Variants in DNMT3B observed in about 807,000 individuals in gnomAD.
DNMT3B encodes DNA (cytosine-5)-methyltransferase 3B.
DNMT3B carries 37 observed loss-of-function variants against 120.2 expected under a neutral mutation model. That is an observed-to-expected ratio of 0.31 (90% CI 0.24 to 0.40). DNMT3B has a LOEUF of 0.40. DNMT3B is among the 10% of genes least tolerant of loss of function. DNMT3B has a pLI of 1.00. For missense variants in DNMT3B, 878 were observed against 1,137.3 expected, an observed-to-expected ratio of 0.77 and a Z score of 3.28; for synonymous variants, 412 against 442.8, an observed-to-expected ratio of 0.93 and a Z score of 0.87.
Position 32,780,468 on chromosome 20 carries a change from G to T in DNMT3B, c.142+3G>T. The T allele has an allele frequency of 6.2e-7, 1 of 1,612,034 alleles. No individual in the cohort carries two copies. The highest frequency in any genetic ancestry group is 8.5e-7 in the Non-Finnish European group (1 of 1,179,964). On this transcript the variant is annotated splice_donor_region_variant and intron_variant, in intron 2 of 22. Transcript: ENST00000328111. ...TATCCGCACCCCGGAGATCAGAGGTGGCTGGGCAGTGGGGACTGGGGTGGT... is the reference window on the plus strand; with the variant it reads ...TATCCGCACCCCGGAGATCAGAGGTTGCTGGGCAGTGGGGACTGGGGTGGT...
intron 20 of DNMT3B, among the ~76,000 whole-genome samples, chr20:32,804,048 G>GC (rs1375875296): frequency 6.6e-6 from 1 of 152,172 alleles, no homozygotes; most frequent in African/African-American, 2.4e-5. Flanking sequence ...GTGAGTGGTG[G>GC]CCCCTGGGGT....
chr20:32,779,488 G>A (rs994263332), intron 1 of DNMT3B, among the ~76,000 whole-genome samples: 1 of 152,248 alleles, frequency 6.6e-6, no homozygotes, highest in African/African-American at 2.4e-5. Flanking sequence ...CCAGCCCAGA[G>A]GTTATAGCCT....
intron 3 of DNMT3B, among the ~76,000 whole-genome samples, chr20:32,782,026 C>G (rs73112140): frequency 0.04 from 6,163 of 152,182 alleles, 161 homozygotes; most frequent in East Asian, 0.07. Context: ...TGAAAGTTCT[C>G]AAAAAGGAAA....
chr20:32,789,059 C>T, intron 7 of DNMT3B, 47 bp downstream of exon 7: 1 of 1,607,150 alleles, frequency 6.2e-7, no homozygotes. Flanking sequence ...GAGGCTGTGC[C>T]TGCCTGCCTC....
intron 22 of DNMT3B, among the ~76,000 whole-genome samples, 170 bp downstream of exon 22, chr20:32,806,497 G>C: frequency 6.6e-6 from 1 of 152,174 alleles, no homozygotes; most frequent in East Asian, 1.9e-4. Flanking sequence ...GACAAAAATG[G>C]CGGAGGGGGT....
At position 32,779,894 on chromosome 20, in the gene DNMT3B, C is replaced by T. The variant is rs1326006119; in HGVS notation, c.-6-424C>T. ...AAAGGGGTCAGGAGGGAAAATAATG[C>T]ACTGGCTTCCTGAGCCCCTGCAGAG... On this transcript the variant is annotated intron_variant, in intron 1 of 22. Coordinates refer to ENST00000328111, the MANE Select transcript of DNMT3B (RefSeq NM_006892.4). 3.4e-5 allele frequency: 21 copies of T among 617,528 alleles called. No homozygotes were observed. The Admixed American group carries it at 4.1e-4, about 12-fold the overall frequency. 38.3% of individuals were successfully genotyped at this position (617,528 alleles called of 1,614,324 possible). A position where few individuals can be genotyped will look rare whatever the true frequency, so the allele number is the denominator to read the frequency against.
intron 20 of DNMT3B, 78 bp from the exon 21 acceptor site, chr20:32,805,260 A>T: frequency 6.5e-7 from 1 of 1,549,966 alleles, no homozygotes; most frequent in Non-Finnish European, 8.9e-7. Flanking sequence ...TCTGCAACAT[A>T]GACCCTCACT....
chr20:32,765,440 TGAGACAGTTTTGC>T (rs1987269073), intron 1 of DNMT3B, among the ~76,000 whole-genome samples: 1 of 149,040 alleles, frequency 6.7e-6, no homozygotes, highest in African/African-American at 2.5e-5. Flanking sequence ...TTTTTTTTTT[TGAGACAGTTTTGC>T]TTTGTCACCC....
chr20:32,796,894 G>A (rs1460955559), intron 13 of DNMT3B, 25 bp downstream of exon 13: 2 of 1,614,124 alleles, frequency 1.2e-6, no homozygotes, highest in Admixed American at 1.7e-5. Context: ...TACTGCCCTG[G>A]ACCTTCCTCC....
intron 3 of DNMT3B, among the ~76,000 whole-genome samples, chr20:32,784,089 G>A (rs1601083944): frequency 6.6e-6 from 1 of 152,248 alleles, no homozygotes; most frequent in Non-Finnish European, 1.5e-5. Flanking sequence ...GCTAATTTTT[G>A]TATTTTTAGT....
At chr20:32,775,937 G>GGTTAAA in intron 1 of DNMT3B, among the ~76,000 whole-genome samples, 1 of 152,328 alleles carries the variant, frequency 6.6e-6, no homozygotes, top group Non-Finnish European at 1.5e-5. Flanking sequence ...ATGGGGTGGG[G>GGTTAAA]GTTAAAGGAG....
At chr20:32,807,230 C>T (rs1424213424) in intron 22 of DNMT3B, among the ~76,000 whole-genome samples, 1 of 152,164 alleles carries the variant, frequency 6.6e-6, no homozygotes, top group African/African-American at 2.4e-5. Flanking sequence ...GAGGCTCAGC[C>T]TCTGTAGCCT....
chr20:32,773,269 GTTTA>G (rs1987853521), intron 1 of DNMT3B, among the ~76,000 whole-genome samples: 1 of 152,104 alleles, frequency 6.6e-6, no homozygotes, highest in African/African-American at 2.4e-5. Context: ...ACCACGCCTA[GTTTA>G]TTTTTTGTAT....
At chr20:32,784,014 G>A (rs1978955142) in intron 3 of DNMT3B, among the ~76,000 whole-genome samples, 3 of 151,622 alleles carry the variant, frequency 2.0e-5, no homozygotes, top group South Asian at 2.1e-4. Context: ...AGGTTTAAGC[G>A]GTACTCCTGC....
rs1601127621 is a variant in DNMT3B at position 32,800,748 on chromosome 20, T to A, written c.1906-87T>A. On this transcript the variant is annotated intron_variant, in intron 17 of 22. Transcript: ENST00000328111. ...GGGATTACAGGTGTGAGCCACCTCG[T>A]CCAGCCCCACGCAAGATTCTAGAAG... 1.4e-5 allele frequency: 21 copies of A among 1,460,772 alleles called. No homozygotes were observed. The East Asian group carries it at 4.5e-4, about 32-fold the overall frequency. 90.5% of individuals were successfully genotyped at this position (1,460,772 alleles called of 1,614,324 possible).
At chr20:32,776,633 C>G (rs1257591682) in intron 1 of DNMT3B, among the ~76,000 whole-genome samples, 3 of 152,136 alleles carry the variant, frequency 2.0e-5, no homozygotes, top group Non-Finnish European at 4.4e-5. Flanking sequence ...ATCTGCAAAA[C>G]AGGAATAACA....
chr20:32,763,783 C>T (rs1987124463), intron 1 of DNMT3B, among the ~76,000 whole-genome samples: 1 of 152,234 alleles, frequency 6.6e-6, no homozygotes. Flanking sequence ...CTCCCCTGGT[C>T]TAGGAGAGAG....
rs1374130888 is a variant in DNMT3B at position 32,808,973 on chromosome 20, G to GTGC, written c.*1072_*1074dup. On this transcript the variant is annotated 3_prime_UTR_variant, in exon 23 of 23. Coordinates refer to ENST00000328111, the MANE Select transcript of DNMT3B (RefSeq NM_006892.4). ...ATGACAGGGAAAACTGCAAAGCTCG[G>GTGC]TGCTCCCTTTGGAGATTTTTTAATC... 1.8e-5 allele frequency: 4 copies of GTGC among 220,260 alleles called. No homozygotes were observed. Among genetic ancestry groups the GTGC allele is most frequent in the Non-Finnish European group, 3.6e-5 (4 of 109,882 alleles). The allele number at this position is 220,260 out of a possible 1,614,324, so 13.6% of individuals were successfully genotyped here.
At position 32,799,263 on chromosome 20, in the gene DNMT3B, C is replaced by T. The variant is rs1981029072; in HGVS notation, c.1694C>T (p.Pro565Leu). Reference protein sequence around the residue: ...GLEYEAPKLYPAIPAARRRPI... With the variant: ...GLEYEAPKLYLAIPAARRRPI... ...TGGCAGGAAGCCCCCAAGCTGTACC[C>T]TGCCATTCCCGCAGCCCGAAGGCGG... The change falls in exon 16 of 23, where the codon CCT becomes CTT. Residue 565 changes from proline to leucine, a missense_variant. Pro to Leu is a moderately conservative substitution (Grantham distance 98, BLOSUM62 -3). Coordinates refer to ENST00000328111, the MANE Select transcript of DNMT3B (RefSeq NM_006892.4). 1 of 1,613,216 alleles carries T rather than the reference C, an allele frequency of 6.2e-7. No individual in the cohort carries two copies. The highest frequency in any genetic ancestry group is 8.5e-7 in the Non-Finnish European group (1 of 1,179,718).
Sources: allele counts gnomAD v4.1 joint callset (sites outside exome capture counted in the v4.1 genomes callset), GRCh38; gene constraint gnomAD v4.1.1; transcripts MANE v1.5; gene names NCBI Gene and HGNC (gene_info 2026-07-23, HGNC 2026-07-21).